BOD1L1: variants seen among roughly 807,000 people sequenced by gnomAD.
BOD1L1 encodes the protein biorientation of chromosomes in cell division 1 like 1.
BOD1L1 carries 86 observed loss-of-function variants against 240.7 expected under a neutral mutation model. That is an observed-to-expected ratio of 0.36 (90% CI 0.30 to 0.43). The LOEUF (loss-of-function observed/expected upper bound fraction) is 0.43, where lower values mean the gene tolerates loss of function less well. Among genes scored for constraint, BOD1L1 ranks in the 20% least tolerant of loss-of-function variants. BOD1L1 has a pLI of 1.00. For synonymous variants in BOD1L1, 1,268 were observed against 1,272.3 expected (o/e 1.00, Z 0.07); for missense variants, 3,554 against 3,643.5 (o/e 0.98, Z 0.63).
chr4:13,591,110 GCCCAGGCTGGA>G (rs1167938693), intron 13 of BOD1L1, among the ~76,000 whole-genome samples: 2 of 151,440 alleles, frequency 1.3e-5, no homozygotes, highest in Non-Finnish European at 2.9e-5. Flanking sequence ...ATGCTATGTT[GCCCAGGCTGGA>G]CCCAAACTCC....
intron 21 of BOD1L1, 117 bp from the exon 22 acceptor site, chr4:13,580,090 T>C (rs768661948): frequency 1.9e-5 from 13 of 694,186 alleles, no homozygotes; most frequent in Non-Finnish European, 2.9e-5. Flanking sequence ...TAGGCGTATT[T>C]GAGACCTATT....
chr4:13,609,406 C>A lies in BOD1L1; in HGVS notation c.1492G>T (p.Ala498Ser). 1 of 1,495,180 alleles carries A rather than the reference C, an allele frequency of 6.7e-7. No individual in the cohort carries two copies. Among genetic ancestry groups the A allele is most frequent in the South Asian group, 1.4e-5 (1 of 71,270 alleles). The allele number at this position is 1,495,180 out of a possible 1,614,324, so 92.6% of individuals were successfully genotyped here. ...AAAAGCCTCTCTTCTTTTTCTTTGGCCTAAAACCACAAAATACCCTAACAG... is the reference window on the plus strand; with the variant it reads ...AAAAGCCTCTCTTCTTTTTCTTTGGACTAAAACCACAAAATACCCTAACAG... ...LTVEQRRQSIAKEKEERLLRR... is the reference protein window; with the variant it reads ...LTVEQRRQSISKEKEERLLRR... The change falls in exon 7 of 26, where the codon GCC (alanine) becomes TCC (serine). Residue 498 changes from alanine (A) to serine (S), a missense_variant and splice_region_variant. Transcript: ENST00000040738.
chr4:13,579,542 C>A (rs982554939), intron 22 of BOD1L1, among the ~76,000 whole-genome samples: 1 of 152,172 alleles, frequency 6.6e-6, no homozygotes, highest in African/African-American at 2.4e-5. Flanking sequence ...TCACTAATGG[C>A]ACCTCTTGTT....
intron 1 of BOD1L1, among the ~76,000 whole-genome samples, chr4:13,621,493 G>T (rs1717030882): frequency 6.6e-6 from 1 of 152,206 alleles, no homozygotes; most frequent in South Asian, 2.1e-4. Flanking sequence ...ACCGAAGGTA[G>T]GCTTATGGGC....
chr4:13,599,497 GAGTTCAACA>G lies in BOD1L1; in HGVS notation c.7394_7402del (p.Leu2465_Asn2467del). The stretch of plus-strand genomic sequence containing the variant: ...TGGGCTCTTATCTTCTTTCTGAAGG[GAGTTCAACA>G]ATACATTCTTCTCTTCTGCATTTAT... On this transcript the variant is annotated inframe_deletion, in exon 10 of 26. Coordinates refer to ENST00000040738, the MANE Select transcript of BOD1L1 (RefSeq NM_148894.3). 1 of 1,614,024 alleles carries G rather than the reference GAGTTCAACA, an allele frequency of 6.2e-7. No homozygotes were observed. Among genetic ancestry groups the G allele is most frequent in the Non-Finnish European group, 8.5e-7 (1 of 1,179,902 alleles).
At position 13,627,536 on chromosome 4, in the gene BOD1L1, G is replaced by GCGT. The variant is rs1438749939; in HGVS notation, c.51_52insACG (p.Pro17_Pro18insThr). ...GGTGGCTGCGGCTGCGGCTGCGGCGGGGGAGGCGGCGGCGCCGGAGGAGGC... is the reference window on the plus strand; with the variant it reads ...GGTGGCTGCGGCTGCGGCTGCGGCGGCGTGGGAGGCGGCGGCGCCGGAGGAGGC... On this transcript the variant is annotated inframe_insertion, in exon 1 of 26. Transcript: ENST00000040738. The GCGT allele has an allele frequency of 1.5e-5, 17 of 1,122,504 alleles. No individual in the cohort carries two copies. The highest frequency in any genetic ancestry group is 1.9e-5 in the Non-Finnish European group (17 of 917,922). The allele number at this position is 1,122,504 out of a possible 1,614,324, so 69.5% of individuals were successfully genotyped here.
Position 13,627,700 on chromosome 4 carries a change from A to C in BOD1L1, c.-113T>G. On this transcript the variant is annotated 5_prime_UTR_variant, in exon 1 of 26. Coordinates refer to ENST00000040738, the MANE Select transcript of BOD1L1 (RefSeq NM_148894.3). Reference sequence around the variant, plus strand: ...GCCAACGGGATGTTGTTACGGAACCAGCGGATCCAGAGCAACCCCGGAAGT... The same window carrying C: ...GCCAACGGGATGTTGTTACGGAACCCGCGGATCCAGAGCAACCCCGGAAGT... 1.1e-6 allele frequency: 1 copy of C among 937,264 alleles called. No individual in the cohort carries two copies. The highest frequency in any genetic ancestry group is 1.3e-6 in the Non-Finnish European group (1 of 781,110). 58.1% of individuals were successfully genotyped at this position (937,264 alleles called of 1,614,324 possible).
rs199969315 is a variant in BOD1L1, at chr4:13,576,387, C to T, written c.9038+451G>A. On this transcript the variant is annotated intron_variant, in intron 25 of 25. Coordinates refer to ENST00000040738, the MANE Select transcript of BOD1L1 (RefSeq NM_148894.3). ...TACCTCAAAAATGGTCAAATTTGGG[C>T]ACTTTCCTATGATCAACCTATTGCA... is the stretch of plus-strand genomic sequence containing the variant. Among the ~76,000 whole-genome samples, 15 of 152,212 alleles carry T rather than the reference C, an allele frequency of 9.9e-5. No homozygotes were observed. The East Asian group carries it at 2.9e-3, about 30-fold the overall frequency.
At position 13,602,874 on chromosome 4, in the gene BOD1L1, G is replaced by A. The variant is rs1577353147; in HGVS notation, c.4026C>T (p.Asp1342=). 6.2e-7 allele frequency: 1 copy of A among 1,614,008 alleles called. No homozygotes were observed. Among genetic ancestry groups the A allele is most frequent in the Non-Finnish European group, 8.5e-7 (1 of 1,179,902 alleles). Residue 1342 remains aspartate (D), a synonymous_variant, in exon 10 of 26, where the codon GAC becomes GAT. Coordinates refer to ENST00000040738, the MANE Select transcript of BOD1L1 (RefSeq NM_148894.3). ...TGAAACCTTCACCACCTTCTTTGCT[G>A]TCACTTGTCTTAAGGACTTCTGATT... ...VRESEVLKTS[D]SKEGGEGFTV...
intron 9 of BOD1L1, among the ~76,000 whole-genome samples, 172 bp downstream of exon 9, chr4:13,606,945 C>G (rs545036793): frequency 6.6e-6 from 1 of 151,986 alleles, no homozygotes; most frequent in African/African-American, 2.4e-5. Flanking sequence ...ATCAACTCAA[C>G]AAAATGGGCA....
In BOD1L1 at chr4:13,602,855, C is replaced by A; in HGVS notation, c.4045G>T (p.Gly1349Cys). The A allele has an allele frequency of 6.2e-7, 1 of 1,614,008 alleles. No homozygotes were observed. Among genetic ancestry groups the A allele is most frequent in the East Asian group, 2.2e-5 (1 of 44,874 alleles). ...KTSDSKEGGE[G>C]FTVDTPAKAS... ...TTTGCTGGTGTATCTACTGTGAAAC[C>A]TTCACCACCTTCTTTGCTGTCACTT... The change falls in exon 10 of 26, where the codon GGT (glycine) becomes TGT (cysteine). Residue 1349 changes from glycine (G) to cysteine (C), a missense_variant. By Grantham distance (159) the Gly-to-Cys change is radical. Coordinates refer to ENST00000040738, the MANE Select transcript of BOD1L1 (RefSeq NM_148894.3).
Position 13,581,132 on chromosome 4 carries a change from T to A in BOD1L1, c.8668A>T (p.Lys2890Ter). 6.4e-7 allele frequency: 1 copy of A among 1,574,654 alleles called. No homozygotes were observed. Among genetic ancestry groups the A allele is most frequent in the Non-Finnish European group, 8.6e-7 (1 of 1,158,244 alleles). ...AACTGAAAACACACCAAGTACCTAC[T>A]CATTTTTAACGTTGTTTCTACAGGG... ...KYPVETTLKM[K>*]DDSKTDTGIV... is the part of the protein sequence containing the mutation. Residue 2890 changes from lysine to a stop codon, truncating the protein, a stop_gained and splice_region_variant, in exon 20 of 26, where the codon AAA (lysine) becomes TAA (stop). Coordinates refer to ENST00000040738, the MANE Select transcript of BOD1L1 (RefSeq NM_148894.3). LOFTEE classifies it high-confidence loss of function.
chr4:13,602,624 T>C lies in BOD1L1; in HGVS notation c.4276A>G (p.Ile1426Val). The C allele has an allele frequency of 1.2e-6, 2 of 1,614,044 alleles. No homozygotes were observed. Among genetic ancestry groups the C allele is most frequent in the South Asian group, 1.1e-5 (1 of 91,082 alleles). ...LNAEPNLKQTIKATVENGKKD... is the reference protein window; with the variant it reads ...LNAEPNLKQTVKATVENGKKD... ...TTGCCATTCTCTACTGTTGCTTTAA[T>C]TGTCTGCTTTAAATTGGGCTCTGCA... Residue 1426 changes from isoleucine (I) to valine (V), a missense_variant, in exon 10 of 26, where the codon ATT (isoleucine) becomes GTT (valine). This residue lies in a region of BOD1L1 where 3,393 missense variants were observed against 3,427.1 expected (regional missense o/e 0.99). Transcript: ENST00000040738.
At position 13,602,786 on chromosome 4, in the gene BOD1L1, C is replaced by A. The variant is rs753497969; in HGVS notation, c.4114G>T (p.Ala1372Ser). The change falls in exon 10 of 26, where the codon GCT becomes TCT. Residue 1372 changes from alanine (A) to serine (S), a missense_variant. This residue lies in a region of BOD1L1 where 3,393 missense variants were observed against 3,427.1 expected (regional missense o/e 0.99). Transcript: ENST00000040738. Reference sequence around the variant, plus strand: ...CCTTGTTTACCATCCAATAAAGTAGCCTGGTGAGCTTCTGGAATGTGTCTT... The same window carrying A: ...CCTTGTTTACCATCCAATAAAGTAGACTGGTGAGCTTCTGGAATGTGTCTT... ...SKRHIPEAHQATLLDGKQGKV... is the reference protein window; with the variant it reads ...SKRHIPEAHQSTLLDGKQGKV... 2.5e-6 allele frequency: 4 copies of A among 1,613,874 alleles called. No individual in the cohort carries two copies. Among genetic ancestry groups the A allele is most frequent in the African/African-American group, 2.7e-5 (2 of 74,920 alleles).
In BOD1L1 at chr4:13,602,726, C is replaced by T; in HGVS notation, c.4174G>A (p.Gly1392Ser). Residue 1392 changes from glycine (G) to serine (S), a missense_variant, in exon 10 of 26, where the codon GGC (glycine) becomes AGC (serine). By Grantham distance (56) the Gly-to-Ser change is moderately conservative. Transcript: ENST00000040738. ...VIMPLGSKLTGVIVENENITK... is the reference protein window; with the variant it reads ...VIMPLGSKLTSVIVENENITK... The stretch of plus-strand genomic sequence containing the variant: ...ATATTCTCATTTTCCACAATCACGC[C>T]CGTTAACTTACTTCCAAGAGGCATG... The T allele has an allele frequency of 6.2e-7, 1 of 1,613,992 alleles. No individual in the cohort carries two copies. The highest frequency in any genetic ancestry group is 1.1e-5 in the South Asian group (1 of 91,086).
In BOD1L1 at chr4:13,620,043, G is replaced by C. The variant is rs1185742018; in HGVS notation, c.268C>G (p.Arg90Gly). 2 of 1,607,048 alleles carry C rather than the reference G, an allele frequency of 1.2e-6. No individual in the cohort carries two copies. The highest frequency in any genetic ancestry group is 1.7e-6 in the Non-Finnish European group (2 of 1,176,228). Residue 90 changes from arginine to glycine, a missense_variant, in exon 2 of 26, where the codon CGT becomes GGT. Around this residue, in one of 2 missense-constraint regions of BOD1L1, gnomAD observed 161 missense variants for 216.4 expected, o/e 0.74. Coordinates refer to ENST00000040738, the MANE Select transcript of BOD1L1 (RefSeq NM_148894.3). ...TGATTTGCAACAAAGTTGTCAACAC[G>C]CTGTCTCAGATTCTGATACGCAGGC... ...TKPAYQNLRQ[R>G]VDNFVANHLA... is the part of the protein sequence containing the mutation.
At chr4:13,591,612 T>C (rs1046015340) in intron 13 of BOD1L1, among the ~76,000 whole-genome samples, 1 of 152,232 alleles carries the variant, frequency 6.6e-6, no homozygotes, top group Non-Finnish European at 1.5e-5. Context: ...ATTCTCAAAC[T>C]AAAATCTATT....
rs748910910 is a variant in BOD1L1 at position 13,600,338 on chromosome 4, C to T, written c.6562G>A (p.Ala2188Thr). The T allele has an allele frequency of 2.7e-5, 43 of 1,613,914 alleles. No homozygotes were observed. The East Asian group carries it at 5.8e-4, about 22-fold the overall frequency. Reference sequence around the variant, plus strand: ...CTGGGCATAGGCCCCTCAAAGTCGGCGGTGCTTATCAAGACTGGACCTGTA... The same window carrying T: ...CTGGGCATAGGCCCCTCAAAGTCGGTGGTGCTTATCAAGACTGGACCTGTA... Reference protein sequence around the residue: ...RATGPVLISTADFEGPMPSAP... With the variant: ...RATGPVLISTTDFEGPMPSAP... Residue 2188 changes from alanine to threonine, a missense_variant, in exon 10 of 26, where the codon GCC becomes ACC. By Grantham distance (58) the Ala-to-Thr change is moderately conservative (BLOSUM62 0). Around this residue, in one of 2 missense-constraint regions of BOD1L1, gnomAD observed 3,393 missense variants for 3,427.1 expected, o/e 0.99. Coordinates refer to ENST00000040738, the MANE Select transcript of BOD1L1 (RefSeq NM_148894.3).
intron 12 of BOD1L1, among the ~76,000 whole-genome samples, chr4:13,594,536 T>C (rs1714460555): frequency 6.6e-6 from 1 of 152,132 alleles, no homozygotes; most frequent in Non-Finnish European, 1.5e-5. Flanking sequence ...TCATGAGTGC[T>C]CAATGGAATT....
Sources: gnomAD v4.1 joint callset for allele counts (sites outside exome capture counted in the v4.1 genomes callset) on GRCh38, gnomAD v4.1.1 for gene constraint, gnomAD v4.1.1 regional missense constraint, MANE v1.5 for transcripts, NCBI Gene and HGNC (gene_info 2026-07-23, HGNC 2026-07-21) for gene names.